The following JKAMP variants were observed in gnomAD, a reference collection of about 807,000 sequenced individuals.
JKAMP encodes the protein JNK1/MAPK8 associated membrane protein.
Under a neutral mutation model 40.2 loss-of-function variants are expected in JKAMP, and 20 were observed. That is an observed-to-expected ratio of 0.50 (90% CI 0.35 to 0.72). JKAMP has a LOEUF of 0.72. Ranked by LOEUF, JKAMP falls within the 30% of genes least tolerant of loss-of-function variation. The probability of loss-of-function intolerance (pLI) is 0.01; values close to 1 mark genes in which losing one functional copy is unlikely to be tolerated. For missense variants in JKAMP, 276 were observed against 373.0 expected (o/e 0.74, Z 2.14); for synonymous variants, 138 against 131.6 (o/e 1.05, Z -0.33).
At chr14:59,485,115 T>A in intron 1 of JKAMP, 1 of 1,598,416 alleles carries the variant, frequency 6.3e-7, no homozygotes, top group Non-Finnish European at 8.5e-7. Flanking sequence ...GGGTTTTGCT[T>A]AGTAAGTGAT....
chr14:59,486,668 A>G, intron 1 of JKAMP, 45 bp from the exon 2 acceptor site: 2 of 1,329,388 alleles, frequency 1.5e-6, no homozygotes, highest in Non-Finnish European at 2.1e-6. Flanking sequence ...ATTATTTTTT[A>G]TAATCACAAA....
intron 4 of JKAMP, 147 bp downstream of exon 4, chr14:59,495,371 C>CCT (rs1399712873): frequency 1.7e-6 from 1 of 597,428 alleles, no homozygotes; most frequent in Non-Finnish European, 3.0e-6. Flanking sequence ...ATGTAAACAG[C>CCT]CTCTTGTAAC....
At chr14:59,496,024 C>T (rs1040754763) in intron 4 of JKAMP, among the ~76,000 whole-genome samples, 15 of 152,206 alleles carry the variant, frequency 9.9e-5, no homozygotes, top group Non-Finnish European at 2.2e-4. Flanking sequence ...GTGCCTCAGC[C>T]TCCCAAGTAG....
chr14:59,505,359 A>T lies in JKAMP; in HGVS notation c.*1287A>T. 1.8e-6 allele frequency: 2 copies of T among 1,105,874 alleles called. No individual in the cohort carries two copies. The highest frequency in any genetic ancestry group is 2.5e-6 in the Non-Finnish European group (2 of 788,422). 68.5% of individuals were successfully genotyped at this position (1,105,874 alleles called of 1,614,324 possible). A position where few individuals can be genotyped will look rare whatever the true frequency, so the allele number is the denominator to read the frequency against. On this transcript the variant is annotated 3_prime_UTR_variant, in exon 7 of 7. Coordinates refer to ENST00000616435, the MANE Select transcript of JKAMP (RefSeq NM_016475.5). Reference sequence around the variant, plus strand: ...AATATAAAAATTTTATTTGTATTGCACACATTTGGGGGGTTATTAGTGTTC... The same window carrying T: ...AATATAAAAATTTTATTTGTATTGCTCACATTTGGGGGGTTATTAGTGTTC...
At chr14:59,489,360 A>T (rs1276730346) in intron 3 of JKAMP, among the ~76,000 whole-genome samples, 4 of 152,208 alleles carry the variant, frequency 2.6e-5, no homozygotes, top group Non-Finnish European at 5.9e-5. Flanking sequence ...TGCCTAGGAC[A>T]TGGACACAAT....
At chr14:59,486,600 C>A in intron 1 of JKAMP, 113 bp from the exon 2 acceptor site, 1 of 709,810 alleles carries the variant, frequency 1.4e-6, no homozygotes, top group Non-Finnish European at 2.4e-6. Context: ...TTGTCTAATA[C>A]ATATTATTCA....
At chr14:59,492,473 G>A (rs1891096095) in intron 3 of JKAMP, among the ~76,000 whole-genome samples, 1 of 152,128 alleles carries the variant, frequency 6.6e-6, no homozygotes. Flanking sequence ...ATGAACTTCT[G>A]GGGTCCTGCA....
At chr14:59,499,555 A>T (rs1417420423) in intron 5 of JKAMP, among the ~76,000 whole-genome samples, 1 of 152,218 alleles carries the variant, frequency 6.6e-6, no homozygotes, top group Non-Finnish European at 1.5e-5. Flanking sequence ...AGACAAATTC[A>T]CTGTTAAAAA....
At position 59,502,755 on chromosome 14, in the gene JKAMP, T is replaced by TG. The variant is rs67189643; in HGVS notation, c.718-1099_718-1098insG. Among the ~76,000 whole-genome samples the TG allele has an allele frequency of 3.5e-3, 435 of 122,912 alleles. 45 individuals carry two copies. Among genetic ancestry groups the TG allele is most frequent in the Admixed American group, 5.4e-3 (61 of 11,332 alleles). 80.6% of individuals were successfully genotyped at this position (122,912 alleles called of 152,430 possible). A position where few individuals can be genotyped will look rare whatever the true frequency, so the allele number is the denominator to read the frequency against. ...GGATATTTGAATAAAATGAGATTTT[T>TG]TTTTTTTTTTTTTTTTTTCGGAGTC... On this transcript the variant is annotated intron_variant, in intron 6 of 6. Transcript: ENST00000616435.
intron 6 of JKAMP, among the ~76,000 whole-genome samples, chr14:59,501,698 A>G (rs1419283646): frequency 1.3e-5 from 2 of 152,176 alleles, no homozygotes; most frequent in African/African-American, 4.8e-5. Flanking sequence ...GTGTTTTATC[A>G]CAAATTTTAT....
In JKAMP at chr14:59,502,755, T is replaced by TGTTTTGTTTTGTTTTGCTTTTTTGTTTTG. The variant is rs67189643; in HGVS notation, c.718-1099_718-1098insGTTTTGTTTTGTTTTGCTTTTTTGTTTTG. Among the ~76,000 whole-genome samples, 5 of 122,918 alleles carry TGTTTTGTTTTGTTTTGCTTTTTTGTTTTG rather than the reference T, an allele frequency of 4.1e-5. 1 individual carries two copies. The highest frequency in any genetic ancestry group is 6.0e-5 in the African/African-American group (2 of 33,142). 80.6% of individuals were successfully genotyped at this position (122,918 alleles called of 152,430 possible). ...GGATATTTGAATAAAATGAGATTTT[T>TGTTTTGTTTTGTTTTGCTTTTTTGTTTTG]TTTTTTTTTTTTTTTTTTCGGAGTC... is the stretch of plus-strand genomic sequence containing the variant. On this transcript the variant is annotated intron_variant, in intron 6 of 6. Coordinates refer to ENST00000616435, the MANE Select transcript of JKAMP (RefSeq NM_016475.5).
At position 59,504,223 on chromosome 14, in the gene JKAMP, GT is replaced by G. The variant is rs1383357919; in HGVS notation, c.*153del. The G allele has an allele frequency of 3.2e-6, 2 of 619,312 alleles. No individual in the cohort carries two copies. Among genetic ancestry groups the G allele is most frequent in the African/African-American group, 3.7e-5 (2 of 54,154 alleles). The allele number at this position is 619,312 out of a possible 1,614,324, so 38.4% of individuals were successfully genotyped here. A position where few individuals can be genotyped will look rare whatever the true frequency, so the allele number is the denominator to read the frequency against. ...TGGGTTTGTCTTTGTTTTGTTTATG[GT>G]TAGACTTACAGACTTGGAAAATGCA... is the stretch of plus-strand genomic sequence containing the variant. On this transcript the variant is annotated 3_prime_UTR_variant, in exon 7 of 7. Coordinates refer to ENST00000616435, the MANE Select transcript of JKAMP (RefSeq NM_016475.5).
chr14:59,485,157 T>C (rs1329689360), intron 1 of JKAMP: 2 of 1,591,182 alleles, frequency 1.3e-6, no homozygotes, highest in African/African-American at 1.3e-5. Context: ...TTTATCATAC[T>C]GGTTTTCAGG....
At position 59,484,537 on chromosome 14, in the gene JKAMP, A is replaced by C. The variant is rs1373274040; in HGVS notation, c.-53A>C. On this transcript the variant is annotated 5_prime_UTR_variant, in exon 1 of 7. Coordinates refer to ENST00000616435, the MANE Select transcript of JKAMP (RefSeq NM_016475.5). The stretch of plus-strand genomic sequence containing the variant: ...TCGCTGTGGCCCGGATGTTCGGTGC[A>C]GCTGCCAGATCCGCTGATCTAGTGC... 10 of 1,560,228 alleles carry C rather than the reference A, an allele frequency of 6.4e-6. No individual in the cohort carries two copies. Among genetic ancestry groups the C allele is most frequent in the African/African-American group, 1.4e-5 (1 of 73,316 alleles).
At chr14:59,497,422 A>T (rs576346496) in intron 4 of JKAMP, among the ~76,000 whole-genome samples, 51 of 152,322 alleles carry the variant, frequency 3.3e-4, no homozygotes, top group African/African-American at 9.6e-4. Flanking sequence ...AAACGTAATC[A>T]CTTCCAGAAA....
At chr14:59,486,859 A>G (rs1890620248) in intron 2 of JKAMP, 55 bp downstream of exon 2, 2 of 1,147,938 alleles carry the variant, frequency 1.7e-6, no homozygotes, top group South Asian at 2.8e-5. Context: ...TGCTTTTGAA[A>G]TATTTTCACA....
At chr14:59,485,907 C>T (rs1171461238) in intron 1 of JKAMP, 1 of 152,204 alleles carries the variant, frequency 6.6e-6, no homozygotes, top group East Asian at 1.9e-4. Flanking sequence ...TGAGCCACCT[C>T]ACCGAGCCTG....
chr14:59,504,031 G>A lies in JKAMP; in HGVS notation c.895G>A (p.Glu299Lys), dbSNP rs770823559. ...LFYLFTAKFT[E>K]PSRILSEGAN... ...TTACTTGTTCACTGCAAAATTTACC[G>A]AACCTTCAAGGATACTCTCAGAAGG... Residue 299 changes from glutamate to lysine, a missense_variant, in exon 7 of 7, where the codon GAA (glutamate) becomes AAA (lysine). Coordinates refer to ENST00000616435, the MANE Select transcript of JKAMP (RefSeq NM_016475.5). The A allele has an allele frequency of 1.1e-5, 18 of 1,613,498 alleles. No homozygotes were observed. Among genetic ancestry groups the A allele is most frequent in the Middle Eastern group, 1.6e-4 (1 of 6,082 alleles).
At chr14:59,500,141 TTTTTGTTTTG>T (rs1379953211) in intron 5 of JKAMP, among the ~76,000 whole-genome samples, 4 of 152,116 alleles carry the variant, frequency 2.6e-5, no homozygotes, top group African/African-American at 7.2e-5. Context: ...TTAAGTAGAG[TTTTTGTTTTG>T]TTTTGTTTTG....
Sources: gnomAD v4.1 joint callset for allele counts (sites outside exome capture counted in the v4.1 genomes callset) on GRCh38, gnomAD v4.1.1 for gene constraint, MANE v1.5 for transcripts, NCBI Gene and HGNC (gene_info 2026-07-23, HGNC 2026-07-21) for gene names.